MTUS2: variants seen among roughly 807,000 people sequenced by gnomAD.
MTUS2 encodes the protein microtubule associated scaffold protein 2, also known as microtubule-associated tumor suppressor candidate 2.
MTUS2 carries 40 observed loss-of-function variants against 114.1 expected under a neutral mutation model. The ratio of observed to expected loss-of-function variants is 0.35; its 90% confidence interval spans 0.27 to 0.46. MTUS2 has a LOEUF of 0.46. MTUS2 is among the 20% of genes least tolerant of loss of function. MTUS2 has a pLI of 1.00. For synonymous variants in MTUS2, 688 were observed against 672.0 expected (o/e 1.02, Z -0.37); for missense variants, 1,679 against 1,705.4 (o/e 0.98, Z 0.27).
At chr13:29,452,600 G>GTA (rs1403583770) in intron 9 of MTUS2, among the ~76,000 whole-genome samples, 2 of 149,218 alleles carry the variant, frequency 1.3e-5, no homozygotes, top group African/African-American at 5.0e-5. Context: ...GTGTGTGTGT[G>GTA]TGTGTGTATA....
At chr13:29,410,285 C>T (rs755678938) in intron 8 of MTUS2, among the ~76,000 whole-genome samples, 39 of 151,976 alleles carry the variant, frequency 2.6e-4, no homozygotes, top group Non-Finnish European at 4.7e-4. Context: ...CCACCATGAC[C>T]GACTAATTTT....
intron 8 of MTUS2, among the ~76,000 whole-genome samples, chr13:29,381,486 A>G (rs778721275): frequency 1.3e-5 from 2 of 152,334 alleles, no homozygotes; most frequent in East Asian, 1.9e-4. Flanking sequence ...TAACATTTAC[A>G]TATGTTTACT....
chr13:28,890,620 A>G (rs1359135801), intron 2 of MTUS2, among the ~76,000 whole-genome samples: 1 of 152,226 alleles, frequency 6.6e-6, no homozygotes, highest in African/African-American at 2.4e-5. Flanking sequence ...ATATATTTTT[A>G]TATATAGAAA....
intron 5 of MTUS2, among the ~76,000 whole-genome samples, chr13:29,267,811 C>T (rs1897723522): frequency 6.6e-6 from 1 of 152,084 alleles, no homozygotes; most frequent in Non-Finnish European, 1.5e-5. Flanking sequence ...GGAGAAAGGA[C>T]ATCCAGTGAA....
intron 8 of MTUS2, among the ~76,000 whole-genome samples, chr13:29,431,774 TG>T (rs1877002335): frequency 6.6e-6 from 1 of 152,178 alleles, no homozygotes; most frequent in South Asian, 2.1e-4. Context: ...GTGGGAGATA[TG>T]GTGCATAGGG....
intron 10 of MTUS2, among the ~76,000 whole-genome samples, chr13:29,484,686 C>T (rs1416034720): frequency 6.6e-6 from 1 of 152,166 alleles, no homozygotes; most frequent in Non-Finnish European, 1.5e-5. Context: ...CTCTCTCATC[C>T]CATGTAGGAT....
chr13:29,030,424 T>C lies in MTUS2; in HGVS notation c.2206-3461T>C, dbSNP rs958566264. Among the ~76,000 whole-genome samples the C allele has an allele frequency of 2.6e-5, 4 of 152,318 alleles. No individual in the cohort carries two copies. The East Asian group carries it at 5.8e-4, about 22-fold the overall frequency. ...CTCCCTGTATCTGGGGACCATTTTC[T>C]GCCATCATCAGAACGAGACCCAGGC... On this transcript the variant is annotated intron_variant, in intron 3 of 15. Transcript: ENST00000612955.
chr13:29,302,881 ACCT>A (rs1234191958), intron 6 of MTUS2, among the ~76,000 whole-genome samples: 1 of 152,132 alleles, frequency 6.6e-6, no homozygotes, highest in Non-Finnish European at 1.5e-5. Context: ...GTCTCTGGCC[ACCT>A]CCTACAGGTA....
In MTUS2 at chr13:28,908,742, G is replaced by A. The variant is rs189957528; in HGVS notation, c.-243+68892G>A. ...ACTGACTTCCACAATGGTTGAATTC[G>A]TTTTAGACATGAGTCCTTGCCCATG... On this transcript the variant is annotated intron_variant, in intron 2 of 15. Coordinates refer to ENST00000612955, the MANE Select transcript of MTUS2 (RefSeq NM_001033602.4). Among the ~76,000 whole-genome samples the A allele has an allele frequency of 4.3e-4, 65 of 151,668 alleles. 2 individuals are homozygous for A. Among genetic ancestry groups the A allele is most frequent in the East Asian group, 2.5e-3 (13 of 5,184 alleles).
At chr13:28,855,123 C>T (rs998783037) in intron 2 of MTUS2, among the ~76,000 whole-genome samples, 1 of 152,108 alleles carries the variant, frequency 6.6e-6, no homozygotes, top group African/African-American at 2.4e-5. Flanking sequence ...GGTTAGATCC[C>T]AACAGATAAA....
At chr13:28,868,791 A>C (rs901172013) in intron 2 of MTUS2, among the ~76,000 whole-genome samples, 1 of 152,338 alleles carries the variant, frequency 6.6e-6, no homozygotes, top group East Asian at 1.9e-4. Context: ...AAATGGAATA[A>C]ATTCAGTTTT....
intron 8 of MTUS2, among the ~76,000 whole-genome samples, chr13:29,419,729 G>A (rs1189772180): frequency 6.6e-6 from 1 of 152,188 alleles, no homozygotes; most frequent in East Asian, 1.9e-4. Flanking sequence ...GCAGTTAAAA[G>A]GATAAGGGTC....
At chr13:29,500,754 T>A (rs1254328259) in intron 14 of MTUS2, among the ~76,000 whole-genome samples, 1 of 150,774 alleles carries the variant, frequency 6.6e-6, no homozygotes, top group Non-Finnish European at 1.5e-5. Flanking sequence ...GGCAAGGGCC[T>A]GAGGACATTC....
intron 2 of MTUS2, among the ~76,000 whole-genome samples, chr13:28,960,639 T>C (rs1883285439): frequency 6.6e-6 from 1 of 152,166 alleles, no homozygotes. Context: ...AAACATGAAA[T>C]GTCTAGAATA....
intron 4 of MTUS2, among the ~76,000 whole-genome samples, chr13:29,043,278 T>C: frequency 6.6e-6 from 1 of 152,178 alleles, no homozygotes; most frequent in East Asian, 1.9e-4. Context: ...CCAGTTTTAT[T>C]CCACTGTAGT....
At chr13:29,095,044 C>T (rs759223414) in intron 4 of MTUS2, among the ~76,000 whole-genome samples, 2 of 152,000 alleles carry the variant, frequency 1.3e-5, no homozygotes, top group African/African-American at 4.8e-5. Flanking sequence ...TCATTTCAAT[C>T]CTTTTTAATT....
At chr13:29,022,270 A>G (rs1886323478) in intron 2 of MTUS2, among the ~76,000 whole-genome samples, 1 of 152,226 alleles carries the variant, frequency 6.6e-6, no homozygotes, top group Non-Finnish European at 1.5e-5. Flanking sequence ...TAAGTTGGAA[A>G]CACAGAGGGC....
intron 5 of MTUS2, among the ~76,000 whole-genome samples, chr13:29,214,167 C>A (rs1005443120): frequency 3.3e-5 from 4 of 122,616 alleles, no homozygotes; most frequent in East Asian, 2.6e-4. Flanking sequence ...ATGTTATGAA[C>A]CTATACTACA....
At chr13:29,447,610 ATTT>A (rs549056364) in intron 9 of MTUS2, among the ~76,000 whole-genome samples, 37 of 112,170 alleles carry the variant, frequency 3.3e-4, no homozygotes, top group African/African-American at 7.9e-4. Flanking sequence ...TGTTGTCTCC[ATTT>A]TTTTTTTTTT....
Sources: gnomAD v4.1 joint callset for allele counts (sites outside exome capture counted in the v4.1 genomes callset) on GRCh38, gnomAD v4.1.1 for gene constraint, MANE v1.5 for transcripts, NCBI Gene and HGNC (gene_info 2026-07-23, HGNC 2026-07-21) for gene names.